Variants in RSF1 observed in about 807,000 individuals in gnomAD.
RSF1 encodes remodeling and spacing factor 1.
Under a neutral mutation model 145.2 loss-of-function variants are expected in RSF1, and 13 were observed. The observed-to-expected ratio is 0.09, with a 90% confidence interval of 0.06 to 0.14. The LOEUF (loss-of-function observed/expected upper bound fraction) is 0.14. Among genes scored for constraint, RSF1 ranks in the 10% least tolerant of loss-of-function variants. The pLI, the probability that RSF1 is intolerant of heterozygous loss-of-function variation, is 1.00. For synonymous variants in RSF1, 577 were observed against 592.6 expected (o/e 0.97, Z 0.38); for missense variants, 1,517 against 1,718.2 (o/e 0.88, Z 2.07).
chr11:77,805,231 G>C (rs1185603044), intron 1 of RSF1, among the ~76,000 whole-genome samples: 4 of 152,144 alleles, frequency 2.6e-5, no homozygotes, highest in Admixed American at 1.3e-4. Context: ...ATGCTTTGGA[G>C]GCTGAGGTGG....
chr11:77,788,265 C>A (rs927053302), intron 1 of RSF1, among the ~76,000 whole-genome samples: 5 of 96,544 alleles, frequency 5.2e-5, no homozygotes, highest in Admixed American at 9.9e-5. Context: ...ACAAAAACAA[C>A]AAAAAAAATC....
chr11:77,852,043 C>T, the RSF1 span, among the ~76,000 whole-genome samples: 1,546 of 151,644 alleles, frequency 0.01, 27 homozygotes, highest in African/African-American at 0.036. Flanking sequence ...CTCTTCTCTC[C>T]TTCTCATAAT....
chr11:77,846,630 C>T, the RSF1 span, among the ~76,000 whole-genome samples: 131 of 152,274 alleles, frequency 8.6e-4, no homozygotes, highest in African/African-American at 2.7e-3. Context: ...CGCTTGAACC[C>T]GGGAGGTGGA....
In RSF1 at chr11:77,662,928, T is replaced by C. The variant is rs1189865374; in HGVS notation, c.*3989A>G. 1.3e-5 allele frequency: 2 copies of C among 152,228 alleles called. No homozygotes were observed. Among genetic ancestry groups the C allele is most frequent in the African/African-American group, 2.4e-5 (1 of 41,468 alleles). The allele number at this position is 152,228 out of a possible 1,614,324, so 9.4% of individuals were successfully genotyped here. On this transcript the variant is annotated 3_prime_UTR_variant, in exon 16 of 16. Transcript: ENST00000308488. ...AATTAAATGATGTTCATAATATTTG[T>C]ATCTGTTGCAATGCAGCCATCTTAT...
At chr11:77,846,344 C>T in the RSF1 span, among the ~76,000 whole-genome samples, 1 of 152,154 alleles carries the variant, frequency 6.6e-6, no homozygotes, top group Non-Finnish European at 1.5e-5. Context: ...TCCAGCTGGG[C>T]ATGGTGGCTC....
In RSF1 at chr11:77,693,689, C is replaced by CT; in HGVS notation, c.2716-79dup. ...TTAGGTTAAAGACGTTTCAATATCTCTGAGTACTATACTGCAAAGCACTCT... is the reference window on the plus strand; with the variant it reads ...TTAGGTTAAAGACGTTTCAATATCTCTTGAGTACTATACTGCAAAGCACTCT... On this transcript the variant is annotated intron_variant, in intron 7 of 15. Coordinates refer to ENST00000308488, the MANE Select transcript of RSF1 (RefSeq NM_016578.4). 1.8e-5 allele frequency: 17 copies of CT among 941,684 alleles called. 1 individual carries two copies. The South Asian group carries it at 2.4e-4, about 13-fold the overall frequency. 58.3% of individuals were successfully genotyped at this position (941,684 alleles called of 1,614,324 possible).
intron 1 of RSF1, among the ~76,000 whole-genome samples, chr11:77,814,691 C>G (rs535154515): frequency 6.6e-6 from 1 of 152,056 alleles, no homozygotes; most frequent in Non-Finnish European, 1.5e-5. Flanking sequence ...GGTGATCCGC[C>G]GCCTGGGCCT....
chr11:77,866,087 C>T, the RSF1 span, among the ~76,000 whole-genome samples: 1 of 152,176 alleles, frequency 6.6e-6, no homozygotes, highest in Non-Finnish European at 1.5e-5. Flanking sequence ...ATTGCTACTA[C>T]CCATTTATGC....
chr11:77,717,164 A>G (rs1240009759), intron 5 of RSF1, among the ~76,000 whole-genome samples: 2 of 124,336 alleles, frequency 1.6e-5, no homozygotes, highest in African/African-American at 6.8e-5. Flanking sequence ...GGCAAAAAAA[A>G]AACAAAAACC....
chr11:77,672,251 A>C (rs1186130300), intron 14 of RSF1, 21 bp from the exon 15 acceptor site: 1 of 1,560,770 alleles, frequency 6.4e-7, no homozygotes, highest in African/African-American at 1.4e-5. Flanking sequence ...AAAAGGAAGA[A>C]CAAAGTACAA....
chr11:77,702,439 T>A lies in RSF1; in HGVS notation c.790A>T (p.Asn264Tyr). The A allele has an allele frequency of 6.3e-7, 1 of 1,580,274 alleles. No individual in the cohort carries two copies. Among genetic ancestry groups the A allele is most frequent in the Non-Finnish European group, 8.5e-7 (1 of 1,171,838 alleles). Residue 264 changes from asparagine (N) to tyrosine (Y), a missense_variant, in exon 6 of 16, where the codon AAC becomes TAC. Around this residue, in one of 12 missense-constraint regions of RSF1, gnomAD observed 207 missense variants for 191.4 expected, o/e 1.08. Coordinates refer to ENST00000308488, the MANE Select transcript of RSF1 (RefSeq NM_016578.4). ...KSEEQPMDLE[N>Y]RSTANVLEET... ...TCTAGAACATTGGCTGTAGAACGGT[T>A]TTCTAAATCCATAGGCTGCTCCTCA...
intron 1 of RSF1, among the ~76,000 whole-genome samples, chr11:77,818,667 T>TACTC (rs1263316316): frequency 6.6e-6 from 1 of 152,062 alleles, no homozygotes; most frequent in Non-Finnish European, 1.5e-5. Context: ...TAATCCCAGC[T>TACTC]ACTCGGGAGG....
At chr11:77,729,521 C>T (rs1961144392) in intron 4 of RSF1, among the ~76,000 whole-genome samples, 1 of 150,862 alleles carries the variant, frequency 6.6e-6, no homozygotes, top group Non-Finnish European at 1.5e-5. Context: ...GTGGTAGGTG[C>T]TAAACATTTC....
At chr11:77,688,579 A>C (rs1283288798) in intron 9 of RSF1, among the ~76,000 whole-genome samples, 1 of 152,310 alleles carries the variant, frequency 6.6e-6, no homozygotes, top group East Asian at 1.9e-4. Context: ...ATTTTTTAAA[A>C]TGTTCTTGGA....
Position 77,702,056 on chromosome 11 carries a change from C to T in RSF1, c.1173G>A (p.Leu391=). 1.2e-6 allele frequency: 2 copies of T among 1,613,180 alleles called. No individual in the cohort carries two copies. The highest frequency in any genetic ancestry group is 8.5e-7 in the Non-Finnish European group (1 of 1,179,794). ...KIPLKKREIK[L]SDDFDSPVKG... The stretch of plus-strand genomic sequence containing the variant: ...TGACTGGACTGTCAAAATCATCACT[C>T]AGTTTAATTTCTCGTTTTTTTAGTG... Residue 391 remains leucine, a synonymous_variant, in exon 6 of 16, where the codon CTG becomes CTA. Transcript: ENST00000308488.
chr11:77,688,339 C>T (rs1218969210), intron 9 of RSF1, among the ~76,000 whole-genome samples: 3 of 152,122 alleles, frequency 2.0e-5, no homozygotes, highest in Non-Finnish European at 4.4e-5. Context: ...GTGGATGAGC[C>T]TATTAGCTAT....
rs376441183 is a variant in RSF1 at position 77,728,511 on chromosome 11, AGGAAAGGAAAGG to A, written c.579-2824_579-2813del. On this transcript the variant is annotated intron_variant, in intron 4 of 15. Transcript: ENST00000308488. ...CCAACATGGAGAAACAGGAAAGGAAAGGAAAGGAAAGGGGAAAGGAAAGGGGAAAGGGAAGAG... is the reference window on the plus strand; with the variant it reads ...CCAACATGGAGAAACAGGAAAGGAAAGGAAAGGAAAGGGGAAAGGGAAGAG... Among the ~76,000 whole-genome samples the A allele has an allele frequency of 4.5e-3, 679 of 150,934 alleles. 5 individuals are homozygous for A. The highest frequency in any genetic ancestry group is 6.0e-3 in the African/African-American group (248 of 41,028).
In RSF1 at chr11:77,812,845, G is replaced by A. The variant is rs888459975; in HGVS notation, c.187+7683C>T. ...GCAGAGGTTGCAGTGAGCTGGGATCGCACTACTACACTCTAGCCTGGGTGA... is the reference window on the plus strand; with the variant it reads ...GCAGAGGTTGCAGTGAGCTGGGATCACACTACTACACTCTAGCCTGGGTGA... On this transcript the variant is annotated intron_variant, in intron 1 of 15. Transcript: ENST00000308488. 3.5e-5 allele frequency among the ~76,000 whole-genome samples: 5 copies of A among 141,584 alleles called. No homozygotes were observed. The East Asian group carries it at 8.3e-4, about 23-fold the overall frequency. The allele number at this position is 141,584 out of a possible 152,430, so 92.9% of individuals were successfully genotyped here. A position where few individuals can be genotyped will look rare whatever the true frequency, so the allele number is the denominator to read the frequency against.
chr11:77,710,334 A>G (rs558264406), intron 5 of RSF1, among the ~76,000 whole-genome samples: 1 of 152,318 alleles, frequency 6.6e-6, no homozygotes, highest in East Asian at 1.9e-4. Context: ...TTTTAGGCAT[A>G]CGGTGTTATT....
Sources: allele counts gnomAD v4.1 joint callset (sites outside exome capture counted in the v4.1 genomes callset), GRCh38; gene constraint gnomAD v4.1.1; regional missense constraint gnomAD v4.1.1; transcripts MANE v1.5; gene names NCBI Gene and HGNC (gene_info 2026-07-23, HGNC 2026-07-21).